The following NFIB variants were observed in gnomAD, a reference collection of about 807,000 sequenced individuals.
NFIB encodes the protein nuclear factor I B.
A neutral mutation model predicts 61.5 loss-of-function variants in NFIB; 11 were observed. The ratio of observed to expected loss-of-function variants is 0.18; its 90% CI spans 0.11 to 0.30. The LOEUF is 0.30. Among genes scored for constraint, NFIB ranks in the 10% least tolerant of loss-of-function variants. The pLI is 1.00. For missense variants in NFIB, 471 were observed against 608.9 expected, an observed-to-expected ratio of 0.77 and a Z score of 2.38; for synonymous variants, 260 against 216.5, an observed-to-expected ratio of 1.20 and a Z score of -1.76.
At chr9:14,237,763 AGTGTGTGT>A (rs71321971) in intron 2 of NFIB, among the ~76,000 whole-genome samples, 1,867 of 85,060 alleles carry the variant, frequency 0.022, 38 homozygotes, top group Middle Eastern at 0.039. Context: ...TAGGTATAAC[AGTGTGTGT>A]GTGTGTGTGT....
chr9:14,238,397 T>C (rs145040712), intron 2 of NFIB, among the ~76,000 whole-genome samples: 1 of 152,302 alleles, frequency 6.6e-6, no homozygotes, highest in Non-Finnish European at 1.5e-5. Context: ...AAGAGTTTAA[T>C]ACGTAAGGTT....
intron 6 of NFIB, among the ~76,000 whole-genome samples, chr9:14,136,932 T>C (rs2041116774): frequency 6.6e-6 from 1 of 152,172 alleles, no homozygotes; most frequent in South Asian, 2.1e-4. Flanking sequence ...AATCTATATT[T>C]TTTTTCTCCA....
intron 1 of NFIB, among the ~76,000 whole-genome samples, chr9:14,371,430 T>C (rs993077366): frequency 1.3e-5 from 2 of 152,210 alleles, no homozygotes; most frequent in African/African-American, 4.8e-5. Flanking sequence ...CAGATCTCAC[T>C]GGCTGGGGAG....
At chr9:14,434,567 T>A in the NFIB span, among the ~76,000 whole-genome samples, 1 of 152,152 alleles carries the variant, frequency 6.6e-6, no homozygotes, top group African/African-American at 2.4e-5. Context: ...AAGGATCCCT[T>A]TCAAACTCAT....
upstream of NFIB, among the ~76,000 whole-genome samples, chr9:14,317,813 T>G (rs955345912): frequency 6.6e-6 from 1 of 152,200 alleles, no homozygotes; most frequent in Admixed American, 6.5e-5. Context: ...ACAACACTTG[T>G]CCACCACCTT....
chr9:14,097,478 C>T (rs2034981438), intron 10 of NFIB, among the ~76,000 whole-genome samples: 1 of 152,124 alleles, frequency 6.6e-6, no homozygotes, highest in Non-Finnish European at 1.5e-5. Context: ...AGATAACAAA[C>T]TGAGAGCAGG....
intron 10 of NFIB, among the ~76,000 whole-genome samples, chr9:14,104,751 A>C (rs1026673042): frequency 2.0e-5 from 3 of 146,576 alleles, no homozygotes; most frequent in Non-Finnish European, 4.5e-5. Flanking sequence ...TGGCTAATTA[A>C]AAAAAAAAAA....
At chr9:14,353,853 C>CT (rs59303621) in intron 1 of NFIB, among the ~76,000 whole-genome samples, 1,745 of 118,712 alleles carry the variant, frequency 0.015, 17 homozygotes, top group Middle Eastern at 0.045. Context: ...GGGGTTTTGT[C>CT]TTTTTTTTTT....
chr9:14,094,135 A>C (rs990717211), intron 10 of NFIB: 1 of 152,092 alleles, frequency 6.6e-6, no homozygotes, highest in African/African-American at 2.4e-5. Context: ...GAATTCGAGC[A>C]ATGTCATTCT....
At chr9:14,290,070 T>A (rs1447522578) in intron 2 of NFIB, among the ~76,000 whole-genome samples, 1 of 152,052 alleles carries the variant, frequency 6.6e-6, no homozygotes, top group African/African-American at 2.4e-5. Flanking sequence ...GAAAAATGGA[T>A]AGTAGTAAAG....
chr9:14,298,674 G>A (rs2382463), intron 2 of NFIB, among the ~76,000 whole-genome samples: 130,295 of 151,676 alleles, frequency 0.86, 57,609 homozygotes, highest in Non-Finnish European at 0.98. Flanking sequence ...TGTGTAAAGG[G>A]CGGGCTTGGG....
chr9:14,140,926 A>T (rs1240659481), intron 6 of NFIB, among the ~76,000 whole-genome samples: 1 of 152,132 alleles, frequency 6.6e-6, no homozygotes, highest in Non-Finnish European at 1.5e-5. Flanking sequence ...CAGACAGAGA[A>T]AAAACAGAAA....
At chr9:14,367,828 A>T (rs1357743287) in intron 1 of NFIB, among the ~76,000 whole-genome samples, 1 of 152,206 alleles carries the variant, frequency 6.6e-6, no homozygotes, top group East Asian at 1.9e-4. Context: ...GAGTTGAACA[A>T]TGGGAACACA....
At chr9:14,325,651 C>T (rs944972834) in intron 1 of NFIB, among the ~76,000 whole-genome samples, 1 of 151,824 alleles carries the variant, frequency 6.6e-6, no homozygotes, top group Non-Finnish European at 1.5e-5. Context: ...GTTTTAATTT[C>T]TATGATTTTT....
chr9:14,319,230 T>G (rs1347770372), intron 1 of NFIB, among the ~76,000 whole-genome samples: 1 of 151,818 alleles, frequency 6.6e-6, no homozygotes, highest in Non-Finnish European at 1.5e-5. Context: ...TGTCTACATT[T>G]CTAGCATATT....
intron 2 of NFIB, among the ~76,000 whole-genome samples, chr9:14,216,603 G>C (rs1393495574): frequency 6.8e-6 from 1 of 147,020 alleles, no homozygotes; most frequent in Non-Finnish European, 1.5e-5. Context: ...GCATTGACAA[G>C]GGGGTAAGCC....
intron 1 of NFIB, among the ~76,000 whole-genome samples, chr9:14,390,937 G>T (rs1412524119): frequency 6.6e-6 from 1 of 152,194 alleles, no homozygotes; most frequent in East Asian, 1.9e-4. Context: ...AACCAAAAGT[G>T]AAGCACAAAA....
chr9:14,196,701 A>C (rs1050319419), intron 2 of NFIB, among the ~76,000 whole-genome samples: 20 of 152,198 alleles, frequency 1.3e-4, no homozygotes, highest in South Asian at 2.1e-4. Flanking sequence ...AAAAAAAAAA[A>C]AAAACAGAGC....
At chr9:14,371,781 C>A (rs781493526) in intron 1 of NFIB, among the ~76,000 whole-genome samples, 6 of 152,200 alleles carry the variant, frequency 3.9e-5, no homozygotes, top group Non-Finnish European at 7.3e-5. Flanking sequence ...GTGACTCCAT[C>A]AATTCCTATT....
Sources: allele counts gnomAD v4.1 joint callset (sites outside exome capture counted in the v4.1 genomes callset), GRCh38; gene constraint gnomAD v4.1.1; transcripts MANE v1.5; gene names NCBI Gene and HGNC (gene_info 2026-07-23, HGNC 2026-07-21).